ZC3H12C: variants seen among roughly 807,000 people sequenced by gnomAD.
The protein encoded by ZC3H12C is zinc finger CCCH-type containing 12C.
ZC3H12C carries 20 observed loss-of-function variants against 76.3 expected under a neutral mutation model. That is an observed-to-expected ratio of 0.26 (90% confidence interval 0.18 to 0.38). The LOEUF (loss-of-function observed/expected upper bound fraction) is 0.38. ZC3H12C is among the 10% of genes least tolerant of loss of function. The pLI, the probability that ZC3H12C is intolerant of heterozygous loss-of-function variation, is 1.00. For missense variants in ZC3H12C, 874 were observed against 1,086.5 expected, an observed-to-expected ratio of 0.80 and a Z score of 2.75; for synonymous variants, 352 against 399.6, an observed-to-expected ratio of 0.88 and a Z score of 1.42.
chr11:110,138,514 A>G (rs1242954027), intron 2 of ZC3H12C, among the ~76,000 whole-genome samples: 1 of 152,146 alleles, frequency 6.6e-6, no homozygotes, highest in Non-Finnish European at 1.5e-5. Context: ...TCTTGCCGAC[A>G]TGTAATCAAT....
At position 110,155,387 on chromosome 11, in the gene ZC3H12C, C is replaced by G. The variant is rs35667694; in HGVS notation, c.913+2329C>G. Among the ~76,000 whole-genome samples the G allele has an allele frequency of 9.0e-3, 1,364 of 151,938 alleles. 10 individuals are homozygous for G. Among genetic ancestry groups the G allele is most frequent in the Non-Finnish European group, 0.016 (1,066 of 67,980 alleles). ...TCATAGGCTGCTGTGGAAATTGTTA[C>G]AACCTGTCAAGAAAGTAGTTGGTCT... On this transcript the variant is annotated intron_variant, in intron 3 of 5. Transcript: ENST00000278590.
At chr11:110,112,541 G>C (rs1042191521) in intron 1 of ZC3H12C, among the ~76,000 whole-genome samples, 2 of 152,180 alleles carry the variant, frequency 1.3e-5, no homozygotes, top group African/African-American at 4.8e-5. Flanking sequence ...GGAGCAACTA[G>C]GAATAAAGTA....
At chr11:110,139,076 T>C (rs958472121) in intron 2 of ZC3H12C, among the ~76,000 whole-genome samples, 3 of 152,202 alleles carry the variant, frequency 2.0e-5, no homozygotes, top group Non-Finnish European at 4.4e-5. Flanking sequence ...CCATTAATGA[T>C]GTATGCTGAA....
At chr11:110,137,498 C>T (rs979778693) in intron 2 of ZC3H12C, 84 bp downstream of exon 2, 1 of 1,416,708 alleles carries the variant, frequency 7.1e-7, no homozygotes, top group African/African-American at 1.4e-5. Flanking sequence ...TTTTCCTTCT[C>T]ATGGTCATTA....
chr11:110,162,348 A>G lies in ZC3H12C; in HGVS notation c.1149-925A>G, dbSNP rs1862496414. Among the ~76,000 whole-genome samples the G allele has an allele frequency of 2.0e-5, 3 of 152,174 alleles. No homozygotes were observed. In the South Asian group the frequency reaches 6.2e-4, roughly 32 times the overall value. ...GTGACTTTATCTTCTGTTTTGTAACATGTAGTGTTACCATATTGTTTTGTA... is the reference window on the plus strand; with the variant it reads ...GTGACTTTATCTTCTGTTTTGTAACGTGTAGTGTTACCATATTGTTTTGTA... On this transcript the variant is annotated intron_variant, in intron 4 of 5. Coordinates refer to ENST00000278590, the MANE Select transcript of ZC3H12C (RefSeq NM_033390.2).
intron 1 of ZC3H12C, among the ~76,000 whole-genome samples, chr11:110,113,136 T>C (rs1377628211): frequency 2.0e-5 from 3 of 152,232 alleles, no homozygotes; most frequent in Admixed American, 2.0e-4. Context: ...AGCACATACT[T>C]ATTTCTTAGC....
chr11:110,147,007 G>C (rs775750755), intron 2 of ZC3H12C, among the ~76,000 whole-genome samples: 6 of 152,158 alleles, frequency 3.9e-5, no homozygotes, highest in East Asian at 1.9e-4. Flanking sequence ...AGGTCACCTC[G>C]CGGTGGGTTT....
At chr11:110,138,810 C>T (rs997290853) in intron 2 of ZC3H12C, among the ~76,000 whole-genome samples, 25 of 152,124 alleles carry the variant, frequency 1.6e-4, no homozygotes, top group Non-Finnish European at 3.2e-4. Context: ...CTGCCTGCCT[C>T]GGCACCCCAA....
chr11:110,093,513 G>A (rs1861048541), intron 1 of ZC3H12C, 81 bp downstream of exon 1: 1 of 1,082,710 alleles, frequency 9.2e-7, no homozygotes, highest in Non-Finnish European at 1.2e-6. Flanking sequence ...GAGGGCCGCG[G>A]GGCCGCGCCC....
At chr11:110,101,109 A>C (rs1861205691) in intron 1 of ZC3H12C, among the ~76,000 whole-genome samples, 1 of 152,186 alleles carries the variant, frequency 6.6e-6, no homozygotes, top group Non-Finnish European at 1.5e-5. Flanking sequence ...GATGGTCTGG[A>C]TAGACAATCA....
At chr11:110,155,537 GA>G (rs34242014) in intron 3 of ZC3H12C, among the ~76,000 whole-genome samples, 7 of 150,126 alleles carry the variant, frequency 4.7e-5, no homozygotes, top group East Asian at 3.9e-4. Context: ...ATTTAGAATA[GA>G]AAAAAAAAAG....
At chr11:110,093,975 C>G (rs759305522) in intron 1 of ZC3H12C, among the ~76,000 whole-genome samples, 1 of 152,150 alleles carries the variant, frequency 6.6e-6, no homozygotes, top group Non-Finnish European at 1.5e-5. Flanking sequence ...CCCCCCTCGT[C>G]CCTCCTTCAC....
chr11:110,157,869 C>T (rs1479412148), intron 3 of ZC3H12C, among the ~76,000 whole-genome samples: 1 of 152,072 alleles, frequency 6.6e-6, no homozygotes, highest in Non-Finnish European at 1.5e-5. Context: ...GACTGAGGCT[C>T]CTTTGGAGAG....
intron 2 of ZC3H12C, among the ~76,000 whole-genome samples, chr11:110,138,583 C>CGT (rs1446914244): frequency 4.1e-5 from 6 of 148,026 alleles, no homozygotes; most frequent in Non-Finnish European, 7.4e-5. Context: ...TTTAAGACAA[C>CGT]GTCTTACCCT....
intron 1 of ZC3H12C, among the ~76,000 whole-genome samples, chr11:110,095,637 G>A (rs796461916): frequency 6.6e-5 from 10 of 152,304 alleles, no homozygotes; most frequent in African/African-American, 2.4e-4. Context: ...TAAAAGGATA[G>A]ATTATGAACG....
At chr11:110,132,899 C>T (rs117555296) in intron 1 of ZC3H12C, among the ~76,000 whole-genome samples, 2,775 of 152,050 alleles carry the variant, frequency 0.018, 57 homozygotes, top group Non-Finnish European at 0.023. Flanking sequence ...TGTAATAATA[C>T]ATTTTGTGTT....
In ZC3H12C at chr11:110,153,187, TTTG is replaced by T. The variant is rs961938457; in HGVS notation, c.913+141_913+143del. 2.6e-5 allele frequency: 31 copies of T among 1,195,724 alleles called. No individual in the cohort carries two copies. In the East Asian group the frequency reaches 3.4e-4, roughly 13 times the overall value. The allele number at this position is 1,195,724 out of a possible 1,614,324, so 74.1% of individuals were successfully genotyped here. Reference sequence around the variant, plus strand: ...AGGCAGTGGGACACAAACGTTGTTTTTTGTTGTTGTTGTTTTCTGAGATAGAGT... The same window carrying T: ...AGGCAGTGGGACACAAACGTTGTTTTTTGTTGTTGTTTTCTGAGATAGAGT... On this transcript the variant is annotated intron_variant, in intron 3 of 5. Transcript: ENST00000278590.
At chr11:110,154,773 A>G (rs1337096055) in intron 3 of ZC3H12C, among the ~76,000 whole-genome samples, 1 of 20,432 alleles carries the variant, frequency 4.9e-5, no homozygotes, top group Non-Finnish European at 1.2e-3. Context: ...CAAGTTGCCT[A>G]AGGAAAAAAA....
chr11:110,148,644 G>A (rs539699142), intron 2 of ZC3H12C, among the ~76,000 whole-genome samples: 44 of 152,284 alleles, frequency 2.9e-4, no homozygotes, highest in Admixed American at 7.2e-4. Flanking sequence ...CTTCCTTATT[G>A]CCAAATTGTT....
Sources: allele counts gnomAD v4.1 joint callset (sites outside exome capture counted in the v4.1 genomes callset), GRCh38; gene constraint gnomAD v4.1.1; transcripts MANE v1.5; gene names NCBI Gene and HGNC (gene_info 2026-07-23, HGNC 2026-07-21).